Variants in TSGA10 observed in about 807,000 individuals in gnomAD.
The protein encoded by TSGA10 is testis specific 10.
A neutral mutation model predicts 96.6 loss-of-function variants in TSGA10; 43 were observed. The observed-to-expected ratio is 0.44, with a 90% CI of 0.35 to 0.57. TSGA10 has a LOEUF of 0.57. Among genes scored for constraint, TSGA10 ranks in the 20% least tolerant of loss-of-function variants. The pLI is 0.01. For missense variants in TSGA10, 703 were observed against 834.4 expected, an observed-to-expected ratio of 0.84 and a Z score of 1.94; for synonymous variants, 229 against 269.9, an observed-to-expected ratio of 0.85 and a Z score of 1.48.
chr2:99,085,241 C>T (rs1235878724), intron 10 of TSGA10, among the ~76,000 whole-genome samples: 2 of 150,632 alleles, frequency 1.3e-5, no homozygotes, highest in Admixed American at 6.6e-5. Flanking sequence ...AGTAAGACTC[C>T]GTCTCAAAAT....
intron 16 of TSGA10, among the ~76,000 whole-genome samples, chr2:99,036,569 A>G (rs1408019395): frequency 6.6e-6 from 1 of 152,180 alleles, no homozygotes; most frequent in Admixed American, 6.5e-5. Context: ...AACATGCTCG[A>G]TTAAAACCAG....
chr2:99,153,419 A>G (rs1218795602), intron 1 of TSGA10, among the ~76,000 whole-genome samples: 5 of 152,234 alleles, frequency 3.3e-5, no homozygotes, highest in African/African-American at 1.2e-4. Flanking sequence ...AGGATTGTTA[A>G]AGAGTACAGC....
At chr2:99,065,578 T>C (rs927422900) in intron 15 of TSGA10, among the ~76,000 whole-genome samples, 2 of 152,198 alleles carry the variant, frequency 1.3e-5, no homozygotes, top group East Asian at 3.8e-4. Flanking sequence ...TACTTGCATA[T>C]TTTAAATGTC....
At chr2:99,040,792 A>G (rs2082115256) in intron 16 of TSGA10, among the ~76,000 whole-genome samples, 1 of 152,168 alleles carries the variant, frequency 6.6e-6, no homozygotes, top group African/African-American at 2.4e-5. Flanking sequence ...AAATTCGTAT[A>G]TGACTAAAAA....
intron 17 of TSGA10, among the ~76,000 whole-genome samples, chr2:99,022,418 T>G (rs2080130087): frequency 6.6e-6 from 1 of 151,736 alleles, no homozygotes; most frequent in Non-Finnish European, 1.5e-5. Context: ...TTTGCCTTAT[T>G]CTGGGTATTC....
At chr2:99,133,862 T>C (rs986796324) in intron 1 of TSGA10, among the ~76,000 whole-genome samples, 1 of 152,260 alleles carries the variant, frequency 6.6e-6, no homozygotes. Context: ...TGGCTGGATA[T>C]GAAATTCTGG....
chr2:99,113,523 A>T (rs1323410693), intron 4 of TSGA10, among the ~76,000 whole-genome samples: 1 of 152,174 alleles, frequency 6.6e-6, no homozygotes, highest in Non-Finnish European at 1.5e-5. Context: ...GTAGCAGTCA[A>T]GCCATGACTG....
chr2:99,141,099 C>T (rs2093526846), intron 1 of TSGA10: 2 of 1,284,536 alleles, frequency 1.6e-6, no homozygotes, highest in African/African-American at 3.1e-5. Context: ...CTCCGGGTCC[C>T]TCCCCGGGCT....
intron 9 of TSGA10, among the ~76,000 whole-genome samples, 158 bp downstream of exon 9, chr2:99,105,201 A>C (rs1245703209): frequency 6.6e-6 from 1 of 152,222 alleles, no homozygotes. Flanking sequence ...ACAAATGAAA[A>C]AGTGACAATT....
At position 98,998,035 on chromosome 2, in the gene TSGA10, C is replaced by G; in HGVS notation, c.*162G>C. ...TGTTTTTATAAGTCATCTCAGATCACTGCAACATGGCACATTAGAACAGAG... is the reference window on the plus strand; with the variant it reads ...TGTTTTTATAAGTCATCTCAGATCAGTGCAACATGGCACATTAGAACAGAG... On this transcript the variant is annotated 3_prime_UTR_variant, in exon 21 of 21. Coordinates refer to ENST00000393483, the MANE Select transcript of TSGA10 (RefSeq NM_025244.4). 1 of 663,684 alleles carries G rather than the reference C, an allele frequency of 1.5e-6. No homozygotes were observed. The allele number at this position is 663,684 out of a possible 1,614,324, so 41.1% of individuals were successfully genotyped here. A position where few individuals can be genotyped will look rare whatever the true frequency, so the allele number is the denominator to read the frequency against.
chr2:99,043,263 G>T (rs922929569), intron 16 of TSGA10, among the ~76,000 whole-genome samples: 11 of 151,992 alleles, frequency 7.2e-5, no homozygotes, highest in African/African-American at 2.4e-4. Flanking sequence ...TTCCCAGAGG[G>T]TCTCAGCAGT....
intron 14 of TSGA10, among the ~76,000 whole-genome samples, chr2:99,069,990 A>G (rs1189609904): frequency 1.3e-5 from 2 of 152,084 alleles, no homozygotes; most frequent in African/African-American, 2.4e-5. Context: ...ATTTTTTTTA[A>G]GTTTCCACTT....
intron 17 of TSGA10, among the ~76,000 whole-genome samples, chr2:99,023,649 A>T (rs1329312463): frequency 6.6e-6 from 1 of 152,202 alleles, no homozygotes; most frequent in Non-Finnish European, 1.5e-5. Context: ...TAAAAATACT[A>T]TTCTTTCCTC....
intron 20 of TSGA10, among the ~76,000 whole-genome samples, chr2:99,008,701 G>A (rs1403395678): frequency 6.6e-6 from 1 of 152,190 alleles, no homozygotes; most frequent in Non-Finnish European, 1.5e-5. Flanking sequence ...ACTGCAACAT[G>A]AGAATACATA....
In TSGA10 at chr2:99,124,596, T is replaced by TA. The variant is rs1399399048; in HGVS notation, c.-492+2451_-492+2452insT. Among the ~76,000 whole-genome samples the TA allele has an allele frequency of 1.0e-3, 155 of 152,140 alleles. 1 individual carries two copies. Among genetic ancestry groups the TA allele is most frequent in the African/African-American group, 3.5e-3 (144 of 41,494 alleles). On this transcript the variant is annotated intron_variant, in intron 2 of 20. Transcript: ENST00000393483. ...AATACTGTTACATTATATATATATA[T>TA]TTTTTTGAGACAGAATCTCGGTCTG...
At chr2:99,029,348 G>T (rs2080932071) in intron 17 of TSGA10, among the ~76,000 whole-genome samples, 1 of 151,918 alleles carries the variant, frequency 6.6e-6, no homozygotes, top group Non-Finnish European at 1.5e-5. Context: ...TTAATTTAGA[G>T]ATAGAAAATC....
chr2:99,110,794 C>T (rs1289656629), intron 5 of TSGA10, 56 bp downstream of exon 5: 1 of 418,572 alleles, frequency 2.4e-6, no homozygotes, highest in Non-Finnish European at 3.2e-6. Flanking sequence ...TTTTTTATAG[C>T]TTACTGACCA....
At chr2:99,024,283 T>C (rs1367700084) in intron 17 of TSGA10, among the ~76,000 whole-genome samples, 2 of 152,074 alleles carry the variant, frequency 1.3e-5, no homozygotes, top group Non-Finnish European at 2.9e-5. Context: ...AGAGATGGGG[T>C]TTCACCATGT....
At chr2:99,113,701 A>G (rs1361463611) in intron 4 of TSGA10, among the ~76,000 whole-genome samples, 7 of 149,000 alleles carry the variant, frequency 4.7e-5, no homozygotes, top group Admixed American at 1.3e-4. Context: ...GCCCACCACC[A>G]TGCCCAGCTA....
Sources: gnomAD v4.1 joint callset for allele counts (sites outside exome capture counted in the v4.1 genomes callset) on GRCh38, gnomAD v4.1.1 for gene constraint, MANE v1.5 for transcripts, NCBI Gene and HGNC (gene_info 2026-07-23, HGNC 2026-07-21) for gene names.